Variants in PLCH1 observed in about 807,000 individuals in gnomAD.
PLCH1 encodes the protein 1-phosphatidylinositol 4,5-bisphosphate phosphodiesterase eta-1.
Under a neutral mutation model 126.7 loss-of-function variants are expected in PLCH1, and 60 were observed. The observed-to-expected ratio is 0.47, with a 90% CI of 0.38 to 0.59. The LOEUF is 0.59. Ranked by LOEUF, PLCH1 falls within the 20% of genes least tolerant of loss-of-function variation. PLCH1 has a pLI of 0.00. For missense variants in PLCH1, 1,723 were observed against 2,040.0 expected (o/e 0.84, Z 2.99); for synonymous variants, 719 against 734.9 (o/e 0.98, Z 0.35).
intron 2 of PLCH1, among the ~76,000 whole-genome samples, chr3:155,677,218 T>C (rs1230131966): frequency 1.3e-5 from 2 of 152,196 alleles, no homozygotes; most frequent in African/African-American, 4.8e-5. Flanking sequence ...ATTCTGCATA[T>C]ACCAGTGTCA....
chr3:155,591,443 T>G (rs1174139858), intron 4 of PLCH1, among the ~76,000 whole-genome samples: 1 of 152,202 alleles, frequency 6.6e-6, no homozygotes, highest in African/African-American at 2.4e-5. Context: ...CAGATTTTCT[T>G]CGTGTACTTC....
chr3:155,650,953 G>A (rs547768092), intron 2 of PLCH1, among the ~76,000 whole-genome samples: 51 of 152,122 alleles, frequency 3.4e-4, no homozygotes, highest in Middle Eastern at 6.8e-3. Context: ...CAGGAGAATC[G>A]CTTGAATCTG....
intron 2 of PLCH1, among the ~76,000 whole-genome samples, chr3:155,608,893 C>T (rs972503599): frequency 1.3e-5 from 2 of 152,160 alleles, no homozygotes; most frequent in African/African-American, 4.8e-5. Flanking sequence ...ACTACAGCAG[C>T]TCGTGCTCTC....
chr3:155,590,738 A>C (rs141299348), intron 4 of PLCH1, among the ~76,000 whole-genome samples: 1,864 of 152,318 alleles, frequency 0.012, 19 homozygotes, highest in South Asian at 0.022. Flanking sequence ...TGACAGAGCG[A>C]GACTCCGCCT....
At chr3:155,717,013 G>C (rs143213563) in intron 1 of PLCH1, among the ~76,000 whole-genome samples, 227 of 152,336 alleles carry the variant, frequency 1.5e-3, no homozygotes, top group Middle Eastern at 3.4e-3. Context: ...AAACATTCTT[G>C]TTCCAAAAGG....
intron 21 of PLCH1, among the ~76,000 whole-genome samples, chr3:155,458,325 G>C (rs1482389511): frequency 8.7e-6 from 1 of 114,990 alleles, no homozygotes; most frequent in East Asian, 2.7e-4. Context: ...CTGGGGAACA[G>C]AGCAAGACTC....
chr3:155,532,413 G>A (rs1722822019), intron 10 of PLCH1, among the ~76,000 whole-genome samples: 2 of 152,112 alleles, frequency 1.3e-5, no homozygotes, highest in Non-Finnish European at 2.9e-5. Flanking sequence ...CCTCACTGGG[G>A]AATCTGAAAT....
chr3:155,601,561 A>G (rs1221455375), intron 2 of PLCH1, among the ~76,000 whole-genome samples: 1 of 152,116 alleles, frequency 6.6e-6, no homozygotes, highest in East Asian at 1.9e-4. Flanking sequence ...ATTACTATAT[A>G]TCATTTGGAG....
At chr3:155,566,132 C>CATATATATGTTATATGTATATATACAT (rs1728353929) in intron 7 of PLCH1, among the ~76,000 whole-genome samples, 1 of 130,388 alleles carries the variant, frequency 7.7e-6, no homozygotes, top group African/African-American at 3.0e-5. Flanking sequence ...TGTATATATA[C>CATATATATGTTATATGTATATATACAT]ATATATATGT....
intron 21 of PLCH1, among the ~76,000 whole-genome samples, chr3:155,459,772 A>G (rs1712641125): frequency 6.6e-6 from 1 of 152,122 alleles, no homozygotes; most frequent in Non-Finnish European, 1.5e-5. Context: ...GGATGTAATG[A>G]CCATAATGAG....
At chr3:155,498,702 C>A (rs551548086) in intron 14 of PLCH1, among the ~76,000 whole-genome samples, 78 of 152,260 alleles carry the variant, frequency 5.1e-4, no homozygotes, top group South Asian at 4.1e-3. Context: ...TGTTTACTTT[C>A]TTCTTTATAC....
At chr3:155,524,453 G>A (rs771642097) in intron 10 of PLCH1, among the ~76,000 whole-genome samples, 1 of 152,116 alleles carries the variant, frequency 6.6e-6, no homozygotes, top group Non-Finnish European at 1.5e-5. Context: ...TTTAAAAATA[G>A]TTAAGATGTT....
chr3:155,698,815 A>T (rs1312895946), intron 2 of PLCH1, among the ~76,000 whole-genome samples: 1 of 152,162 alleles, frequency 6.6e-6, no homozygotes, highest in Non-Finnish European at 1.5e-5. Flanking sequence ...GCCTGAAAGG[A>T]TACCTGCCCT....
intron 21 of PLCH1, among the ~76,000 whole-genome samples, chr3:155,463,517 C>T (rs995640814): frequency 2.6e-5 from 4 of 151,894 alleles, no homozygotes; most frequent in African/African-American, 9.7e-5. Context: ...TTGGAATAAC[C>T]TTGCTCAGCT....
At chr3:155,451,154 TAA>T (rs1160913525) in intron 21 of PLCH1, among the ~76,000 whole-genome samples, 1 of 151,796 alleles carries the variant, frequency 6.6e-6, no homozygotes, top group Non-Finnish European at 1.5e-5. Flanking sequence ...AAGAAATAAA[TAA>T]GAGAATTCAA....
chr3:155,514,553 C>T (rs1720046781), intron 12 of PLCH1, among the ~76,000 whole-genome samples, 170 bp downstream of exon 12: 1 of 152,200 alleles, frequency 6.6e-6, no homozygotes, highest in Non-Finnish European at 1.5e-5. Context: ...CCACCCAATC[C>T]ACTTTTAACT....
chr3:155,491,759 A>G (rs572517705), intron 18 of PLCH1, among the ~76,000 whole-genome samples: 1 of 152,216 alleles, frequency 6.6e-6, no homozygotes, highest in South Asian at 2.1e-4. Flanking sequence ...GAGGGTAGAT[A>G]TTGACTGGGA....
At chr3:155,699,679 CTCTTT>C (rs1746113890) in intron 2 of PLCH1, among the ~76,000 whole-genome samples, 1 of 152,184 alleles carries the variant, frequency 6.6e-6, no homozygotes, top group South Asian at 2.1e-4. Context: ...TGGAATTCTT[CTCTTT>C]TCTTCCAGTG....
At chr3:155,479,782 T>G (rs1347765506), downstream of PLCH1, 2 of 152,224 alleles carry the variant, frequency 1.3e-5, no homozygotes, top group African/African-American at 4.8e-5. Flanking sequence ...GTGATAGCTT[T>G]CTATTTTGTC....
Sources: gnomAD v4.1 joint callset for allele counts (sites outside exome capture counted in the v4.1 genomes callset) on GRCh38, gnomAD v4.1.1 for gene constraint, MANE v1.5 for transcripts, NCBI Gene and HGNC (gene_info 2026-07-23, HGNC 2026-07-21) for gene names.